AUTS2: variants seen among roughly 807,000 people sequenced by gnomAD.
AUTS2 encodes autism susceptibility gene 2 protein.
AUTS2 carries 17 observed loss-of-function variants against 112.4 expected under a neutral mutation model. The observed-to-expected ratio is 0.15, with a 90% CI of 0.10 to 0.23. The LOEUF (loss-of-function observed/expected upper bound fraction) is 0.23, where lower values mean the gene tolerates loss of function less well. Among genes scored for constraint, AUTS2 ranks in the 10% least tolerant of loss-of-function variants. AUTS2 has a pLI of 1.00. For missense variants in AUTS2, 1,510 were observed against 1,701.6 expected, an observed-to-expected ratio of 0.89 and a Z score of 1.98; for synonymous variants, 751 against 702.7, an observed-to-expected ratio of 1.07 and a Z score of -1.09.
intron 5 of AUTS2, among the ~76,000 whole-genome samples, chr7:70,634,402 T>A (rs1056673664): frequency 3.3e-5 from 5 of 152,192 alleles, no homozygotes; most frequent in Non-Finnish European, 5.9e-5. Context: ...TGAATTCCAC[T>A]TTCCAGCGAT....
chr7:70,290,272 T>G (rs1210734467), intron 4 of AUTS2: 1 of 1,222,392 alleles, frequency 8.2e-7, no homozygotes. Context: ...TAAAACAAAT[T>G]ACCAATGATG....
chr7:69,975,672 T>C (rs1467455417), intron 2 of AUTS2, among the ~76,000 whole-genome samples: 1 of 151,948 alleles, frequency 6.6e-6, no homozygotes, highest in African/African-American at 2.4e-5. Context: ...TCCGTTGAAT[T>C]TTTTTAATTG....
intron 1 of AUTS2, among the ~76,000 whole-genome samples, chr7:69,760,224 T>G (rs1293764568): frequency 2.1e-5 from 3 of 142,748 alleles, no homozygotes; most frequent in Non-Finnish European, 3.0e-5. Flanking sequence ...TAAATAGAGA[T>G]AGGGTTTTCC....
chr7:70,456,708 C>T (rs950663556), intron 5 of AUTS2, among the ~76,000 whole-genome samples: 3 of 152,234 alleles, frequency 2.0e-5, no homozygotes, highest in South Asian at 2.1e-4. Flanking sequence ...CCTGGCTCCA[C>T]TCACTGTGGC....
rs149607883 is a variant in AUTS2, at chr7:70,226,502, G to C, written c.660+91931G>C. Among the ~76,000 whole-genome samples, 237 of 151,472 alleles carry C rather than the reference G, an allele frequency of 1.6e-3. 3 individuals are homozygous for C. Among genetic ancestry groups the C allele is most frequent in the African/African-American group, 5.6e-3 (229 of 41,244 alleles). ...TTAGAGTCGTGAGCCACCATACCTG[G>C]CCCCCCCTTTTAATAATTACATATT... On this transcript the variant is annotated intron_variant, in intron 4 of 18. Transcript: ENST00000342771.
At chr7:69,894,252 G>GTTTTTTTTTTTTT (rs370966756) in intron 1 of AUTS2, among the ~76,000 whole-genome samples, 5 of 36,736 alleles carry the variant, frequency 1.4e-4, no homozygotes, top group African/African-American at 6.6e-4. Context: ...GCCTTAAAGC[G>GTTTTTTTTTTTTT]TTTTTTTTTT....
At chr7:70,203,403 T>G (rs1369269939) in intron 4 of AUTS2, among the ~76,000 whole-genome samples, 1 of 150,484 alleles carries the variant, frequency 6.6e-6, no homozygotes, top group African/African-American at 2.4e-5. Flanking sequence ...ACTGACATTG[T>G]ACTTTTCATT....
chr7:70,381,925 A>G (rs1461099728), intron 4 of AUTS2, among the ~76,000 whole-genome samples: 1 of 152,162 alleles, frequency 6.6e-6, no homozygotes, highest in Admixed American at 6.5e-5. Context: ...TGTATACCGT[A>G]TACCAAGCAC....
chr7:70,642,429 T>C (rs940421846), intron 5 of AUTS2, among the ~76,000 whole-genome samples: 1 of 152,238 alleles, frequency 6.6e-6, no homozygotes, highest in Non-Finnish European at 1.5e-5. Context: ...TGTTCTTTTA[T>C]TAGCTTCATA....
At chr7:69,800,494 C>T (rs1359320061) in intron 1 of AUTS2, among the ~76,000 whole-genome samples, 1 of 152,172 alleles carries the variant, frequency 6.6e-6, no homozygotes, top group Non-Finnish European at 1.5e-5. Context: ...GCCCCCCTAA[C>T]ATCTGGCACA....
At chr7:70,701,715 G>T (rs1279711113) in intron 6 of AUTS2, among the ~76,000 whole-genome samples, 1 of 152,172 alleles carries the variant, frequency 6.6e-6, no homozygotes, top group Non-Finnish European at 1.5e-5. Flanking sequence ...GTGGCATTGA[G>T]CAGGGCTTAG....
chr7:70,583,780 CA>C (rs1284131774), intron 5 of AUTS2, among the ~76,000 whole-genome samples: 2 of 150,682 alleles, frequency 1.3e-5, no homozygotes, highest in Non-Finnish European at 3.0e-5. Context: ...TGGAAGAAAG[CA>C]AAAAAAACTG....
At chr7:70,281,036 G>A (rs1231140158) in intron 4 of AUTS2, among the ~76,000 whole-genome samples, 2 of 151,898 alleles carry the variant, frequency 1.3e-5, no homozygotes, top group Non-Finnish European at 2.9e-5. Flanking sequence ...TCTATTATCT[G>A]TCTCTGTGTG....
chr7:70,320,129 A>C (rs1049934947), intron 4 of AUTS2, among the ~76,000 whole-genome samples: 22 of 152,206 alleles, frequency 1.4e-4, no homozygotes, highest in Non-Finnish European at 1.5e-5. Flanking sequence ...TAAGAACTAT[A>C]ATATATGCAG....
chr7:70,393,146 C>T (rs553053044), intron 4 of AUTS2, among the ~76,000 whole-genome samples: 68 of 152,344 alleles, frequency 4.5e-4, no homozygotes, highest in African/African-American at 1.4e-3. Context: ...TGTGCATTTG[C>T]ACAGCAGCCC....
intron 4 of AUTS2, among the ~76,000 whole-genome samples, chr7:70,427,989 T>C (rs1348952977): frequency 3.9e-5 from 6 of 152,206 alleles, no homozygotes; most frequent in African/African-American, 1.4e-4. Context: ...TCATTAGTGA[T>C]TACCAAAAGC....
At chr7:70,310,963 T>C (rs906701002) in intron 4 of AUTS2, among the ~76,000 whole-genome samples, 1 of 152,208 alleles carries the variant, frequency 6.6e-6, no homozygotes, top group East Asian at 1.9e-4. Context: ...CTCTTGGCTT[T>C]TGTTTAAAAC....
chr7:69,750,372 G>GATATATTAGTATTATACTATTATATTAGT (rs1327846625), intron 1 of AUTS2, among the ~76,000 whole-genome samples: 4 of 148,388 alleles, frequency 2.7e-5, no homozygotes, highest in African/African-American at 9.8e-5. Context: ...ATTATATTAA[G>GATATATTAGTATTATACTATTATATTAGT]ATATATTAGT....
chr7:70,103,549 T>G (rs1225905536), intron 2 of AUTS2, among the ~76,000 whole-genome samples: 1 of 152,138 alleles, frequency 6.6e-6, no homozygotes, highest in East Asian at 1.9e-4. Context: ...ACATTAAAAT[T>G]TACTTTTCTC....
Sources: allele counts gnomAD v4.1 joint callset (sites outside exome capture counted in the v4.1 genomes callset), GRCh38; gene constraint gnomAD v4.1.1; transcripts MANE v1.5; gene names NCBI Gene and HGNC (gene_info 2026-07-23, HGNC 2026-07-21).